Variants in EEA1 observed in about 807,000 individuals in gnomAD.
The protein encoded by EEA1 is early endosome antigen 1.
In EEA1, 111 loss-of-function variants were observed where a neutral mutation model predicts 209.2. The ratio of observed to expected loss-of-function variants is 0.53; its 90% confidence interval spans 0.45 to 0.62. EEA1 has a LOEUF of 0.62. Ranked by LOEUF, EEA1 falls within the 20% of genes least tolerant of loss-of-function variation. EEA1 has a pLI of 0.00. For synonymous variants in EEA1, 536 were observed against 540.6 expected (o/e 0.99, Z 0.12); for missense variants, 1,343 against 1,530.8 (o/e 0.88, Z 2.05).
intron 24 of EEA1, 123 bp from the exon 25 acceptor site, chr12:92,779,423 T>A: frequency 1.2e-6 from 1 of 837,262 alleles, no homozygotes; most frequent in Non-Finnish European, 1.7e-6. Context: ...ATGAAATTCT[T>A]AAAGTTCAGT....
intron 2 of EEA1, among the ~76,000 whole-genome samples, chr12:92,875,910 G>A (rs1311544210): frequency 6.6e-6 from 1 of 151,888 alleles, no homozygotes; most frequent in African/African-American, 2.4e-5. Context: ...AGAAATCCAC[G>A]TGACTCATTT....
At chr12:92,835,264 G>C in intron 10 of EEA1, 1 of 188,708 alleles carries the variant, frequency 5.3e-6, no homozygotes, top group Non-Finnish European at 1.1e-5. Flanking sequence ...TGAGAACTTG[G>C]ATGGAACATA....
chr12:92,880,347 C>CT (rs1879080855), intron 2 of EEA1, among the ~76,000 whole-genome samples: 1 of 152,204 alleles, frequency 6.6e-6, no homozygotes, highest in Admixed American at 6.5e-5. Context: ...CTCTGTCACT[C>CT]TAACTGGAGT....
rs760028404 is a variant in EEA1 at position 92,780,351 on chromosome 12, T to A, written c.3397A>T (p.Lys1133Ter). Residue 1133 changes from lysine to a stop codon, truncating the protein, a stop_gained, in exon 24 of 29, where the codon AAA becomes TAA. Transcript: ENST00000322349. LOFTEE classifies it high-confidence loss of function. ...KSKLAEIEEI[K>*]CRQEKEITKL... ...GTGATTTCTTTTTCTTGTCTACATT[T>A]AATTTCTTCTATCTCTGCCAATTTA... is the stretch of plus-strand genomic sequence containing the variant. 1 of 1,599,958 alleles carries A rather than the reference T, an allele frequency of 6.3e-7. No individual in the cohort carries two copies. Among genetic ancestry groups the A allele is most frequent in the South Asian group, 1.1e-5 (1 of 88,890 alleles).
intron 3 of EEA1, chr12:92,858,157 G>A (rs1005780750): frequency 1.5e-5 from 9 of 619,588 alleles, no homozygotes; most frequent in East Asian, 2.8e-5. Flanking sequence ...AGTTGGTGGG[G>A]GAAGGCCCAC....
chr12:92,886,466 GAGGAGGGGAA>G (rs1462137274), intron 2 of EEA1, among the ~76,000 whole-genome samples: 1 of 68,558 alleles, frequency 1.5e-5, no homozygotes, highest in Non-Finnish European at 2.8e-5. Context: ...CTGGAGGGGA[GAGGAGGGGAA>G]AGGAGGGGAG....
chr12:92,910,430 C>G (rs945455140), intron 1 of EEA1, among the ~76,000 whole-genome samples: 3 of 151,486 alleles, frequency 2.0e-5, no homozygotes, highest in African/African-American at 7.3e-5. Context: ...GATCATGCCA[C>G]TGCACTACAG....
At chr12:92,853,442 G>C (rs1038986063) in intron 6 of EEA1, among the ~76,000 whole-genome samples, 1 of 151,990 alleles carries the variant, frequency 6.6e-6, no homozygotes, top group Non-Finnish European at 1.5e-5. Flanking sequence ...GTATCCCAAA[G>C]TGTTGGGATT....
At chr12:92,878,061 G>A (rs763607154) in intron 2 of EEA1, among the ~76,000 whole-genome samples, 7 of 152,042 alleles carry the variant, frequency 4.6e-5, no homozygotes, top group Non-Finnish European at 8.8e-5. Context: ...AAAATGATAA[G>A]GATAATACAC....
Position 92,922,189 on chromosome 12 carries a change from C to T in EEA1, c.24+6854G>A, listed in dbSNP as rs140552363. ...CCTGTATTTTCTCCTGCCTACTGAACATCTCCACTTGGGAAGTCCAGACCT... is the reference window on the plus strand; with the variant it reads ...CCTGTATTTTCTCCTGCCTACTGAATATCTCCACTTGGGAAGTCCAGACCT... On this transcript the variant is annotated intron_variant, in intron 1 of 28. Transcript: ENST00000322349. 5.8e-3 allele frequency among the ~76,000 whole-genome samples: 885 copies of T among 152,254 alleles called. 7 individuals carry two copies. The highest frequency in any genetic ancestry group is 0.02 in the African/African-American group (835 of 41,534).
chr12:92,913,471 A>G (rs1251355411), intron 1 of EEA1, among the ~76,000 whole-genome samples: 8 of 151,902 alleles, frequency 5.3e-5, no homozygotes, highest in Non-Finnish European at 1.5e-5. Flanking sequence ...ATTTTCTCCC[A>G]TTCTGTAGGT....
chr12:92,916,795 T>G (rs61935335), intron 1 of EEA1, among the ~76,000 whole-genome samples: 3 of 112,506 alleles, frequency 2.7e-5, no homozygotes, highest in Non-Finnish European at 5.5e-5. Context: ...CAAATTACTC[T>G]GAGCTACGGG....
At chr12:92,892,625 A>G (rs1385851678) in intron 1 of EEA1, among the ~76,000 whole-genome samples, 1 of 149,780 alleles carries the variant, frequency 6.7e-6, no homozygotes, top group Admixed American at 6.6e-5. Flanking sequence ...TCCAGGCTGG[A>G]GCATAGTGGC....
At chr12:92,832,093 CAAA>C (rs760668908) in intron 11 of EEA1, among the ~76,000 whole-genome samples, 3 of 62,328 alleles carry the variant, frequency 4.8e-5, no homozygotes, top group Admixed American at 1.8e-4. Context: ...GACTCCGTCT[CAAA>C]AAAAAAAAAA....
intron 15 of EEA1, 104 bp from the exon 16 acceptor site, chr12:92,813,197 G>T: frequency 1.6e-6 from 1 of 639,926 alleles, no homozygotes; most frequent in Non-Finnish European, 2.4e-6. Context: ...TAAAAATTAA[G>T]TCCTTGGCAA....
At chr12:92,882,944 G>T (rs1277767783) in intron 2 of EEA1, among the ~76,000 whole-genome samples, 2 of 152,178 alleles carry the variant, frequency 1.3e-5, no homozygotes, top group Non-Finnish European at 2.9e-5. Flanking sequence ...CTCAGTAATG[G>T]ATTACTGGGT....
chr12:92,902,920 G>A (rs555224037), intron 1 of EEA1, among the ~76,000 whole-genome samples: 7 of 150,126 alleles, frequency 4.7e-5, no homozygotes, highest in Non-Finnish European at 8.9e-5. Context: ...AAACTACGAC[G>A]TAACTGTTCA....
chr12:92,788,103 A>C, intron 21 of EEA1, 54 bp from the exon 22 acceptor site: 2 of 1,388,626 alleles, frequency 1.4e-6, no homozygotes, highest in Non-Finnish European at 1.9e-6. Context: ...ACCAATTACA[A>C]ATATAAAGTA....
chr12:92,834,421 T>C (rs1268048148), intron 10 of EEA1, among the ~76,000 whole-genome samples: 1 of 151,840 alleles, frequency 6.6e-6, no homozygotes, highest in Non-Finnish European at 1.5e-5. Flanking sequence ...GGTATGCACC[T>C]ATAGACCTAG....
Sources: allele counts gnomAD v4.1 joint callset (sites outside exome capture counted in the v4.1 genomes callset), GRCh38; gene constraint gnomAD v4.1.1; transcripts MANE v1.5; gene names NCBI Gene and HGNC (gene_info 2026-07-23, HGNC 2026-07-21).